Variants in RYR3 observed in about 807,000 individuals in gnomAD.
The protein encoded by RYR3 is brain ryanodine receptor-calcium release channel.
Under a neutral mutation model 584.3 loss-of-function variants are expected in RYR3, and 207 were observed. The ratio of observed to expected loss-of-function variants is 0.35; its 90% CI spans 0.32 to 0.40. RYR3 has a LOEUF of 0.40. RYR3 is among the 10% of genes least tolerant of loss of function. The pLI, the probability that RYR3 is intolerant of heterozygous loss-of-function variation, is 1.00. For missense variants in RYR3, 5,616 were observed against 6,089.2 expected, an observed-to-expected ratio of 0.92 and a Z score of 2.59; for synonymous variants, 2,416 against 2,248.5, an observed-to-expected ratio of 1.07 and a Z score of -2.11.
At chr15:33,514,959 G>A (rs1019222994) in intron 3 of RYR3, among the ~76,000 whole-genome samples, 8 of 151,872 alleles carry the variant, frequency 5.3e-5, no homozygotes, top group Non-Finnish European at 8.8e-5. Flanking sequence ...AGCCGAGATC[G>A]CGCCACTGCA....
At chr15:33,602,302 A>G (rs1405896998) in intron 17 of RYR3, among the ~76,000 whole-genome samples, 3 of 152,160 alleles carry the variant, frequency 2.0e-5, no homozygotes, top group Admixed American at 2.0e-4. Context: ...TTCGTCTCTA[A>G]AAGTATGATT....
intron 1 of RYR3, among the ~76,000 whole-genome samples, chr15:33,368,858 G>C (rs771688633): frequency 6.6e-6 from 1 of 152,128 alleles, no homozygotes; most frequent in African/African-American, 2.4e-5. Context: ...CCAGAAGAGA[G>C]GGTTTCAATC....
intron 10 of RYR3, among the ~76,000 whole-genome samples, chr15:33,554,193 G>A (rs1044177760): frequency 1.3e-5 from 2 of 151,870 alleles, no homozygotes; most frequent in Admixed American, 6.6e-5. Context: ...ATCCCAGAAC[G>A]TCTTGTAGTA....
chr15:33,457,312 C>T (rs956614296), intron 1 of RYR3, among the ~76,000 whole-genome samples: 1 of 152,146 alleles, frequency 6.6e-6, no homozygotes, highest in Non-Finnish European at 1.5e-5. Flanking sequence ...TTATGCAACA[C>T]TATCTACAAT....
At chr15:33,624,539 G>C (rs2060886470) in intron 20 of RYR3, among the ~76,000 whole-genome samples, 1 of 152,204 alleles carries the variant, frequency 6.6e-6, no homozygotes, top group Admixed American at 6.5e-5. Flanking sequence ...ACACAAAGTA[G>C]AAGTATAGAC....
chr15:33,812,495 A>G (rs1034413153), intron 72 of RYR3, among the ~76,000 whole-genome samples: 1 of 152,210 alleles, frequency 6.6e-6, no homozygotes, highest in African/African-American at 2.4e-5. Context: ...AAAAGACTTC[A>G]TAGTCATTAT....
In RYR3 at chr15:33,838,518, C is replaced by T. The variant is rs74008339; in HGVS notation, c.12538C>T (p.Leu4180=). The stretch of plus-strand genomic sequence containing the variant: ...CGTGAAAAAGATGACTGCGAAGGAG[C>T]TGGTGAAGGTGCTCTTCTCCTTTTT... ...RNVKKMTAKE[L]VKVLFSFFWM... The change falls in exon 89 of 104, where the codon CTG becomes TTG. Residue 4180 remains leucine, a synonymous_variant. Coordinates refer to ENST00000634891, the MANE Select transcript of RYR3 (RefSeq NM_001036.6). The T allele has an allele frequency of 1.4e-5, 23 of 1,613,966 alleles. No individual in the cohort carries two copies. In the African/African-American group the frequency reaches 2.8e-4, roughly 20 times the overall value.
chr15:33,705,391 A>C (rs1035646768), intron 42 of RYR3, among the ~76,000 whole-genome samples: 18 of 152,144 alleles, frequency 1.2e-4, no homozygotes, highest in African/African-American at 4.3e-4. Context: ...TTGAACAAAC[A>C]TTTATTGAAC....
intron 3 of RYR3, among the ~76,000 whole-genome samples, chr15:33,504,609 G>A (rs1353738703): frequency 2.6e-5 from 4 of 152,078 alleles, no homozygotes; most frequent in African/African-American, 9.7e-5. Context: ...AATTATTACA[G>A]TTGCCTGTTT....
At chr15:33,860,376 A>G (rs1437643643) in intron 100 of RYR3, among the ~76,000 whole-genome samples, 2 of 152,226 alleles carry the variant, frequency 1.3e-5, no homozygotes, top group African/African-American at 2.4e-5. Flanking sequence ...AGGAGCAAGT[A>G]GTTAACAGCA....
At chr15:33,347,455 T>G (rs1302766947) in intron 1 of RYR3, among the ~76,000 whole-genome samples, 2 of 151,996 alleles carry the variant, frequency 1.3e-5, no homozygotes, top group African/African-American at 4.8e-5. Context: ...GGGAGCTTTT[T>G]TTTTTTTTTG....
At chr15:33,504,323 A>C (rs1322230096) in intron 3 of RYR3, among the ~76,000 whole-genome samples, 2 of 152,210 alleles carry the variant, frequency 1.3e-5, no homozygotes, top group African/African-American at 4.8e-5. Context: ...TTTGGGCAAG[A>C]CTTTGGCCAG....
At chr15:33,569,119 G>T (rs2152494496) in intron 12 of RYR3, among the ~76,000 whole-genome samples, 1 of 152,284 alleles carries the variant, frequency 6.6e-6, no homozygotes, top group East Asian at 1.9e-4. Flanking sequence ...ATGAACAGTT[G>T]ATAGTTTCCA....
In RYR3 at chr15:33,671,329, G is replaced by A. The variant is rs141792928; in HGVS notation, c.5860+773G>A. Reference sequence around the variant, plus strand: ...GAAGGAATTTCTCAGGTTTAATATCGTTGCTTTTTATCTTGTTACCTATTC... The same window carrying A: ...GAAGGAATTTCTCAGGTTTAATATCATTGCTTTTTATCTTGTTACCTATTC... On this transcript the variant is annotated intron_variant, in intron 38 of 103. Coordinates refer to ENST00000634891, the MANE Select transcript of RYR3 (RefSeq NM_001036.6). 3.7e-4 allele frequency among the ~76,000 whole-genome samples: 56 copies of A among 152,220 alleles called. 1 individual carries two copies. Among genetic ancestry groups the A allele is most frequent in the East Asian group, 2.3e-3 (12 of 5,186 alleles).
chr15:33,636,792 C>A (rs186656892), intron 27 of RYR3, among the ~76,000 whole-genome samples: 1 of 152,344 alleles, frequency 6.6e-6, no homozygotes, highest in East Asian at 1.9e-4. Flanking sequence ...AACCAAGAAG[C>A]TAATTCCCTC....
chr15:33,568,042 G>C (rs185328419), intron 12 of RYR3, among the ~76,000 whole-genome samples: 3 of 152,288 alleles, frequency 2.0e-5, no homozygotes, highest in Admixed American at 1.3e-4. Flanking sequence ...CCTCAGTTGA[G>C]AACTGCTATC....
intron 38 of RYR3, among the ~76,000 whole-genome samples, chr15:33,675,459 G>A (rs1047559086): frequency 6.6e-6 from 1 of 152,206 alleles, no homozygotes; most frequent in African/African-American, 2.4e-5. Flanking sequence ...GGCAATGGCT[G>A]TGAAACGGCT....
At chr15:33,590,662 G>A (rs1280050335) in intron 16 of RYR3, among the ~76,000 whole-genome samples, 1 of 139,286 alleles carries the variant, frequency 7.2e-6, no homozygotes. Context: ...GGCAGCTATT[G>A]TAAATGGGAT....
intron 16 of RYR3, among the ~76,000 whole-genome samples, chr15:33,599,255 C>G (rs2879411): frequency 0.21 from 32,234 of 152,092 alleles, 4,106 homozygotes; most frequent in South Asian, 0.3. Flanking sequence ...CAGGATCCCC[C>G]CTGTGGTTAC....
Sources: allele counts gnomAD v4.1 joint callset (sites outside exome capture counted in the v4.1 genomes callset), GRCh38; gene constraint gnomAD v4.1.1; transcripts MANE v1.5; gene names NCBI Gene and HGNC (gene_info 2026-07-23, HGNC 2026-07-21).